The following ABI1 variants were observed in gnomAD, a reference collection of about 807,000 sequenced individuals.
The protein encoded by ABI1 is abl interactor 1.
Under a neutral mutation model 54.6 loss-of-function variants are expected in ABI1, and 14 were observed. The observed-to-expected ratio is 0.26, with a 90% CI of 0.17 to 0.40. ABI1 has a LOEUF of 0.40. ABI1 is among the 10% of genes least tolerant of loss of function. The pLI, the probability that ABI1 is intolerant of heterozygous loss-of-function variation, is 1.00. For synonymous variants in ABI1, 194 were observed against 209.3 expected (o/e 0.93, Z 0.63); for missense variants, 443 against 598.3 (o/e 0.74, Z 2.71).
rs1015122256 is a variant in ABI1 at position 26,829,589 on chromosome 10, T to C, written c.118-6284A>G. Among the ~76,000 whole-genome samples, 5 of 152,160 alleles carry C rather than the reference T, an allele frequency of 3.3e-5. No individual in the cohort carries two copies. The South Asian group carries it at 8.3e-4, about 25-fold the overall frequency. ...ACATCATAAATATACACAATTTTTA[T>C]ATGTCAATTTTAATAAATAAACAAC... On this transcript the variant is annotated intron_variant, in intron 1 of 10. Transcript: ENST00000376140.
chr10:26,776,715 AAAGT>A, intron 3 of ABI1: 2 of 168,834 alleles, frequency 1.2e-5, no homozygotes, highest in Non-Finnish European at 2.5e-5. Flanking sequence ...TGAAACGATA[AAAGT>A]ATTTATAAAT....
At position 26,748,324 on chromosome 10, in the gene ABI1, T is replaced by TA. The variant is rs1837164736; in HGVS notation, c.*245dup. The TA allele has an allele frequency of 5.7e-6, 2 of 349,758 alleles. No individual in the cohort carries two copies. The highest frequency in any genetic ancestry group is 7.6e-4 in the Middle Eastern group (1 of 1,322). The allele number at this position is 349,758 out of a possible 1,614,324, so 21.7% of individuals were successfully genotyped here. ...AGAATATTTAGGCTGGTCATAAAGT[T>TA]AAAAATGTGTAAGTAAGTACATAAG... On this transcript the variant is annotated 3_prime_UTR_variant, in exon 11 of 11. Transcript: ENST00000376140.
At chr10:26,769,654 A>T in intron 5 of ABI1, among the ~76,000 whole-genome samples, 1 of 152,244 alleles carries the variant, frequency 6.6e-6, no homozygotes, top group East Asian at 1.9e-4. Context: ...CGCTATATTT[A>T]GTACACTGAG....
At chr10:26,772,927 A>G (rs898518950) in intron 3 of ABI1, among the ~76,000 whole-genome samples, 6 of 151,932 alleles carry the variant, frequency 3.9e-5, no homozygotes, top group African/African-American at 9.7e-5. Flanking sequence ...AAAATAAAAA[A>G]TTAGCCAGGC....
Position 26,817,770 on chromosome 10 carries a change from A to G in ABI1, c.285+5368T>C, listed in dbSNP as rs554731849. Among the ~76,000 whole-genome samples, 14 of 152,326 alleles carry G rather than the reference A, an allele frequency of 9.2e-5. 1 individual carries two copies. In the East Asian group the frequency reaches 1.5e-3, roughly 17 times the overall value. On this transcript the variant is annotated intron_variant, in intron 2 of 10. Coordinates refer to ENST00000376140, the MANE Select transcript of ABI1 (RefSeq NM_001012750.3). ...AAGCAAAAATCTCTTTTAGATATAC[A>G]AAAGCTGAAAGAACTCATCACCAGC...
At chr10:26,808,637 C>T (rs540929300) in intron 2 of ABI1, among the ~76,000 whole-genome samples, 2 of 151,574 alleles carry the variant, frequency 1.3e-5, no homozygotes, top group South Asian at 2.1e-4. Flanking sequence ...GCAGGAGAAT[C>T]GCTTGAACGC....
intron 1 of ABI1, among the ~76,000 whole-genome samples, chr10:26,837,473 T>C (rs924338184): frequency 3.5e-4 from 54 of 152,174 alleles, no homozygotes; most frequent in Non-Finnish European, 8.8e-5. Flanking sequence ...GGCTTCAACA[T>C]AAGGATGGCA....
chr10:26,761,661 T>TATATATATATATATATAC (rs1375832167), intron 7 of ABI1, among the ~76,000 whole-genome samples: 4 of 78,934 alleles, frequency 5.1e-5, no homozygotes, highest in Non-Finnish European at 7.1e-5. Flanking sequence ...TATATATATA[T>TATATATATATATATATAC]ACACACACAC....
chr10:26,750,948 C>G (rs1374940380), intron 10 of ABI1, among the ~76,000 whole-genome samples: 1 of 152,124 alleles, frequency 6.6e-6, no homozygotes, highest in Admixed American at 6.5e-5. Context: ...TAATTGAAAC[C>G]TTAATTGAGG....
intron 9 of ABI1, among the ~76,000 whole-genome samples, chr10:26,754,869 G>T (rs1838096745): frequency 6.6e-6 from 1 of 151,778 alleles, no homozygotes; most frequent in South Asian, 2.1e-4. Flanking sequence ...ACATCTTCTG[G>T]AATTTCAAAA....
At chr10:26,799,986 A>G (rs1323344153) in intron 2 of ABI1, among the ~76,000 whole-genome samples, 1 of 144,856 alleles carries the variant, frequency 6.9e-6, no homozygotes, top group East Asian at 2.0e-4. Flanking sequence ...CAATTTTACA[A>G]TATAAACCAC....
intron 3 of ABI1, among the ~76,000 whole-genome samples, chr10:26,775,369 A>G (rs1841258377): frequency 6.6e-6 from 1 of 152,138 alleles, no homozygotes; most frequent in Admixed American, 6.5e-5. Context: ...CTCGCCAAAA[A>G]TATATTTTAA....
chr10:26,760,711 G>A (rs544886470), intron 7 of ABI1, among the ~76,000 whole-genome samples: 3 of 151,872 alleles, frequency 2.0e-5, no homozygotes, highest in East Asian at 1.9e-4. Context: ...CCATCATGGC[G>A]AAAACCCGTG....
At chr10:26,830,860 A>T (rs1229033150) in intron 1 of ABI1, among the ~76,000 whole-genome samples, 1 of 152,154 alleles carries the variant, frequency 6.6e-6, no homozygotes, top group African/African-American at 2.4e-5. Flanking sequence ...CTTGTGCAGC[A>T]TCCATTTCTT....
intron 9 of ABI1, 69 bp from the exon 10 acceptor site, chr10:26,751,852 T>TTTAAGAAAGCTCTAA: frequency 7.2e-7 from 1 of 1,398,536 alleles, no homozygotes; most frequent in Non-Finnish European, 9.6e-7. Context: ...GTTAACAGAA[T>TTTAAGAAAGCTCTAA]TTAAGAAAGC....
chr10:26,793,781 T>C (rs758453682), intron 2 of ABI1, among the ~76,000 whole-genome samples: 6 of 152,236 alleles, frequency 3.9e-5, no homozygotes, highest in Non-Finnish European at 8.8e-5. Flanking sequence ...CACCAGGTCA[T>C]GAATTTGAAC....
intron 1 of ABI1, chr10:26,839,723 G>A: frequency 1.4e-6 from 1 of 700,564 alleles, no homozygotes; most frequent in African/African-American, 1.8e-5. Context: ...GGTCAAGGTA[G>A]GAGGATTACC....
chr10:26,851,185 G>A (rs1589080992), intron 1 of ABI1, among the ~76,000 whole-genome samples: 1 of 151,902 alleles, frequency 6.6e-6, no homozygotes, highest in Middle Eastern at 3.4e-3. Flanking sequence ...GGAGATGGAG[G>A]AAAATGCTTG....
At position 26,768,920 on chromosome 10, in the gene ABI1, A is replaced by G; in HGVS notation, c.651T>C (p.Pro217=). 5 of 1,613,736 alleles carry G rather than the reference A, an allele frequency of 3.1e-6. No homozygotes were observed. The highest frequency in any genetic ancestry group is 4.2e-6 in the Non-Finnish European group (5 of 1,179,660). ...GACTATGCTGACTTCCAAGCCTAGC[A>G]GGACTGGTCATATAGTCATTAGGAA... The part of the protein sequence containing the change: ...PTVPNDYMTS[P]ARLGSQHSPG... The change falls in exon 6 of 11, where the codon CCT becomes CCC. Residue 217 remains proline, a synonymous_variant. Coordinates refer to ENST00000376140, the MANE Select transcript of ABI1 (RefSeq NM_001012750.3).
Sources: gnomAD v4.1 joint callset for allele counts (sites outside exome capture counted in the v4.1 genomes callset) on GRCh38, gnomAD v4.1.1 for gene constraint, MANE v1.5 for transcripts, NCBI Gene and HGNC (gene_info 2026-07-23, HGNC 2026-07-21) for gene names.